The following PTPRN2 variants were observed in gnomAD, a reference collection of about 807,000 sequenced individuals.
PTPRN2 encodes the protein receptor-type tyrosine-protein phosphatase N2.
In PTPRN2, 74 loss-of-function variants were observed where a neutral mutation model predicts 118.8. The ratio of observed to expected loss-of-function variants is 0.62; its 90% CI spans 0.52 to 0.76. PTPRN2 has a LOEUF of 0.76. Ranked by LOEUF, PTPRN2 falls within the 30% of genes least tolerant of loss-of-function variation. The pLI is 0.00. For missense variants in PTPRN2, 1,481 were observed against 1,394.4 expected (o/e 1.06, Z -0.99); for synonymous variants, 641 against 608.0 (o/e 1.05, Z -0.80).
rs78471065 is a variant in PTPRN2, at chr7:158,172,033, C to T, written c.550-4742G>A. ...GATATGAAGCATTCGAGAGCTTCTG[C>T]CAAAGTCTGATGATGTTTAAGCTGA... On this transcript the variant is annotated intron_variant, in intron 5 of 22. Coordinates refer to ENST00000389418, the MANE Select transcript of PTPRN2 (RefSeq NM_002847.5). Among the ~76,000 whole-genome samples, 13 of 152,232 alleles carry T rather than the reference C, an allele frequency of 8.5e-5. No homozygotes were observed. The East Asian group carries it at 2.5e-3, about 29-fold the overall frequency.
intron 2 of PTPRN2, among the ~76,000 whole-genome samples, chr7:158,329,807 T>C (rs1031095447): frequency 6.6e-6 from 1 of 152,146 alleles, no homozygotes; most frequent in African/African-American, 2.4e-5. Flanking sequence ...ATGGTCCCAC[T>C]TCACCGCTCG....
At chr7:158,488,803 T>C (rs1703962329) in intron 2 of PTPRN2, among the ~76,000 whole-genome samples, 1 of 152,230 alleles carries the variant, frequency 6.6e-6, no homozygotes, top group African/African-American at 2.4e-5. Flanking sequence ...CGCAGGGAGC[T>C]GGGGAAAGAG....
intron 3 of PTPRN2, among the ~76,000 whole-genome samples, chr7:158,307,823 G>GGATTAATCCACTCATGAATTAATGAATT (rs1418981084): frequency 8.5e-5 from 13 of 152,132 alleles, no homozygotes; most frequent in African/African-American, 3.1e-4. Flanking sequence ...CCTCATGAAT[G>GGATTAATCCACTCATGAATTAATGAATT]GATTAATCCA....
intron 11 of PTPRN2, among the ~76,000 whole-genome samples, chr7:157,971,968 C>T (rs758902076): frequency 5.9e-5 from 9 of 152,216 alleles, no homozygotes; most frequent in Non-Finnish European, 1.3e-4. Context: ...CAAGTGAGAA[C>T]TATGAAAGCA....
In PTPRN2 at chr7:157,756,517, C is replaced by T. The variant is rs551764950; in HGVS notation, c.1789-73580G>A. Among the ~76,000 whole-genome samples, 384 of 152,206 alleles carry T rather than the reference C, an allele frequency of 2.5e-3. 2 individuals carry two copies. Among genetic ancestry groups the T allele is most frequent in the African/African-American group, 9.1e-3 (377 of 41,542 alleles). On this transcript the variant is annotated intron_variant, in intron 12 of 22. Transcript: ENST00000389418. ...ACCATGTTGGCCAGGTTGGTCTCAG[C>T]TGCCCACCTCAGCCTCCCAAAGTGC...
rs1554487720 is a variant in PTPRN2, at chr7:157,903,658, T to TC, written c.1724-4922_1724-4921insG. ...GTTTTTTCTTTTTCCTTTTTTTTTT[T>TC]TATACTAAAAGGTTTTAAGAGAGTA... On this transcript the variant is annotated intron_variant, in intron 11 of 22. Coordinates refer to ENST00000389418, the MANE Select transcript of PTPRN2 (RefSeq NM_002847.5). This position sits in a 1 kb window ranked among gnomAD's most constrained non-coding sequence, Gnocchi z 4.2. Among the ~76,000 whole-genome samples the TC allele has an allele frequency of 6.6e-6, 1 of 151,866 alleles. No individual in the cohort carries two copies. The highest frequency in any genetic ancestry group is 1.5e-5 in the Non-Finnish European group (1 of 67,960).
intron 6 of PTPRN2, among the ~76,000 whole-genome samples, chr7:158,160,225 G>T (rs1822238992): frequency 6.6e-6 from 1 of 152,202 alleles, no homozygotes; most frequent in Non-Finnish European, 1.5e-5. Flanking sequence ...GGGTGTTTCT[G>T]GGAGGTGTCT....
intron 11 of PTPRN2, among the ~76,000 whole-genome samples, chr7:157,931,118 A>G (rs1453518451): frequency 2.0e-5 from 3 of 152,094 alleles, no homozygotes; most frequent in African/African-American, 7.2e-5. Context: ...CTGCAGCATG[A>G]GCTGCGGTGC....
intron 1 of PTPRN2, among the ~76,000 whole-genome samples, chr7:158,573,075 A>G (rs568142436): frequency 6.6e-6 from 1 of 152,376 alleles, no homozygotes; most frequent in Admixed American, 6.5e-5. Flanking sequence ...TGATGAATGG[A>G]CAAGAGTCTT....
At chr7:158,221,433 T>C (rs1451518409) in intron 3 of PTPRN2, among the ~76,000 whole-genome samples, 1 of 151,924 alleles carries the variant, frequency 6.6e-6, no homozygotes, top group East Asian at 1.9e-4. Flanking sequence ...AGACAACCTA[T>C]AGGGTAGGAA....
chr7:158,151,514 T>TGCCTCTCCCTGCCCATATCGCC (rs1563522262), intron 6 of PTPRN2, among the ~76,000 whole-genome samples: 1 of 146,076 alleles, frequency 6.8e-6, no homozygotes, highest in African/African-American at 2.5e-5. Context: ...TTTCTGCTCC[T>TGCCTCTCCCTGCCCATATCGCC]CACCGCACGT....
intron 2 of PTPRN2, among the ~76,000 whole-genome samples, chr7:158,400,492 C>T (rs1345936177): frequency 6.6e-6 from 1 of 152,172 alleles, no homozygotes; most frequent in Non-Finnish European, 1.5e-5. Flanking sequence ...TTTATGGTGG[C>T]TCAAGCCCAT....
chr7:157,923,464 G>A (rs1430546786), intron 11 of PTPRN2, among the ~76,000 whole-genome samples: 1 of 152,184 alleles, frequency 6.6e-6, no homozygotes, highest in Non-Finnish European at 1.5e-5. Flanking sequence ...CAGAGCACAT[G>A]TCACTACATC....
intron 3 of PTPRN2, among the ~76,000 whole-genome samples, chr7:158,286,868 A>G (rs1799801272): frequency 6.6e-6 from 1 of 152,196 alleles, no homozygotes; most frequent in East Asian, 1.9e-4. Flanking sequence ...ACCTCGTAAA[A>G]TGAGTGTGGA....
chr7:158,456,409 C>T (rs113311544), intron 2 of PTPRN2, among the ~76,000 whole-genome samples: 5 of 148,986 alleles, frequency 3.4e-5, no homozygotes, highest in East Asian at 2.0e-4. Context: ...ACAGCACGGA[C>T]GCCATCGGCC....
At chr7:157,952,641 T>G (rs1800910347) in intron 11 of PTPRN2, among the ~76,000 whole-genome samples, 1 of 152,012 alleles carries the variant, frequency 6.6e-6, no homozygotes, top group Non-Finnish European at 1.5e-5. Flanking sequence ...AGGTGTGGCT[T>G]CTGTTCCTGT....
At chr7:158,167,586 T>C (rs1823145651) in intron 5 of PTPRN2, among the ~76,000 whole-genome samples, 1 of 152,214 alleles carries the variant, frequency 6.6e-6, no homozygotes, top group Admixed American at 6.5e-5. Context: ...CAGTTTTTAG[T>C]GTATTCAGAG....
In PTPRN2 at chr7:158,529,474, G is replaced by A. The variant is rs1046361984; in HGVS notation, c.113-39689C>T. ...GCTGCTGACCACGGCCAGCAACGAC[G>A]AGCCATGGTGACAGCTCACACACAG... is the stretch of plus-strand genomic sequence containing the variant. On this transcript the variant is annotated intron_variant, in intron 1 of 22. Transcript: ENST00000389418. The surrounding 1 kb of genome is among the most constrained non-coding windows in gnomAD (Gnocchi z 4.7). Among the ~76,000 whole-genome samples the A allele has an allele frequency of 2.0e-5, 3 of 152,178 alleles. No individual in the cohort carries two copies. Among genetic ancestry groups the A allele is most frequent in the African/African-American group, 7.2e-5 (3 of 41,452 alleles).
intron 1 of PTPRN2, among the ~76,000 whole-genome samples, chr7:158,571,521 ATTTCT>A (rs1369985513): frequency 0.064 from 7,585 of 118,700 alleles, 167 homozygotes; most frequent in Non-Finnish European, 0.087. Context: ...ACACACACCT[ATTTCT>A]TTTTTTTTTT....
Sources: gnomAD v4.1 joint callset for allele counts (sites outside exome capture counted in the v4.1 genomes callset) on GRCh38, gnomAD v4.1.1 for gene constraint, Gnocchi (gnomAD v3.1) non-coding constraint, MANE v1.5 for transcripts, NCBI Gene and HGNC (gene_info 2026-07-23, HGNC 2026-07-21) for gene names.